Variants in NLGN1 observed in about 807,000 individuals in gnomAD.
NLGN1 encodes the protein neuroligin-1.
NLGN1 carries 12 observed loss-of-function variants against 65.5 expected under a neutral mutation model. The observed-to-expected ratio is 0.18, with a 90% CI of 0.12 to 0.30. The LOEUF (loss-of-function observed/expected upper bound fraction) is 0.30. Among genes scored for constraint, NLGN1 ranks in the 10% least tolerant of loss-of-function variants. The pLI, the probability that NLGN1 is intolerant of heterozygous loss-of-function variation, is 1.00. For synonymous variants in NLGN1, 350 were observed against 359.5 expected, an observed-to-expected ratio of 0.97 and a Z score of 0.30; for missense variants, 750 against 1,007.1, an observed-to-expected ratio of 0.74 and a Z score of 3.46.
Position 173,619,123 on chromosome 3 carries a change from A to C in NLGN1, c.493+14032A>C, listed in dbSNP as rs367853886. ...AATCTTGTTTCCTGGTTTTGCTGGC[A>C]TTTTCCCCATGGTGCACATCAGTAA... is the stretch of plus-strand genomic sequence containing the variant. On this transcript the variant is annotated intron_variant, in intron 3 of 6. Coordinates refer to ENST00000457714, the Ensembl canonical transcript of NLGN1. Among the ~76,000 whole-genome samples, 4 of 152,130 alleles carry C rather than the reference A, an allele frequency of 2.6e-5. No individual in the cohort carries two copies. The South Asian group carries it at 6.2e-4, about 24-fold the overall frequency.
At chr3:174,101,563 A>G (rs966025628) in intron 4 of NLGN1, among the ~76,000 whole-genome samples, 16 of 152,300 alleles carry the variant, frequency 1.1e-4, no homozygotes, top group African/African-American at 3.8e-4. Flanking sequence ...ACAACTTTCA[A>G]TGAATCACAG....
intron 4 of NLGN1, among the ~76,000 whole-genome samples, chr3:174,014,520 C>T (rs1238356995): frequency 6.6e-6 from 1 of 152,162 alleles, no homozygotes; most frequent in East Asian, 1.9e-4. Context: ...CTACATGTGC[C>T]ACATTCTTCT....
At chr3:173,518,937 G>A (rs1168988839) in intron 2 of NLGN1, among the ~76,000 whole-genome samples, 2 of 152,122 alleles carry the variant, frequency 1.3e-5, no homozygotes, top group Non-Finnish European at 2.9e-5. Context: ...CAGGCCCAGA[G>A]AGGTCTAGAA....
intron 4 of NLGN1, among the ~76,000 whole-genome samples, chr3:174,023,836 A>G (rs892664258): frequency 6.6e-6 from 1 of 152,160 alleles, no homozygotes; most frequent in African/African-American, 2.4e-5. Flanking sequence ...CAGGCCCTGC[A>G]GTCAGCAGCT....
chr3:173,941,187 T>C (rs1476350004), intron 4 of NLGN1, among the ~76,000 whole-genome samples: 2 of 152,036 alleles, frequency 1.3e-5, no homozygotes, highest in Non-Finnish European at 2.9e-5. Flanking sequence ...TAGTACAGAA[T>C]CATAATTTGC....
chr3:174,251,291 A>G (rs1406434056), intron 4 of NLGN1, among the ~76,000 whole-genome samples: 1 of 152,204 alleles, frequency 6.6e-6, no homozygotes, highest in East Asian at 1.9e-4. Flanking sequence ...GCCTTCCTTA[A>G]TATTTAGGAA....
At chr3:174,198,476 T>G (rs1733860123) in intron 4 of NLGN1, among the ~76,000 whole-genome samples, 1 of 152,212 alleles carries the variant, frequency 6.6e-6, no homozygotes. Flanking sequence ...GATGGGAGAT[T>G]GCTGAATCAA....
rs1230635335 is a variant in NLGN1 at position 174,280,630 on chromosome 3, C to T, written c.1799C>T (p.Ala600Val). The stretch of plus-strand genomic sequence containing the variant: ...CCAAGAGTTAAAGAACATTACAGAG[C>T]CAATAAGGTGAACCTCTGGTTGGAG... Residue 600 changes from alanine to valine, a missense_variant, in exon 7 of 7, where the codon GCC becomes GTC. Ala to Val is a moderately conservative substitution (Grantham distance 64, BLOSUM62 0). Coordinates refer to ENST00000457714, the Ensembl canonical transcript of NLGN1. This position sits in a 1 kb window ranked among gnomAD's most constrained non-coding sequence, Gnocchi z 4.9. 6.2e-7 allele frequency: 1 copy of T among 1,613,130 alleles called. No homozygotes were observed. The highest frequency in any genetic ancestry group is 8.5e-7 in the Non-Finnish European group (1 of 1,179,534).
At chr3:173,873,123 C>G (rs537135127) in intron 4 of NLGN1, among the ~76,000 whole-genome samples, 2 of 150,764 alleles carry the variant, frequency 1.3e-5, no homozygotes, top group African/African-American at 2.4e-5. Flanking sequence ...GAATCTCACT[C>G]TGCTGCCCAG....
intron 4 of NLGN1, among the ~76,000 whole-genome samples, chr3:174,082,290 T>C (rs1408633419): frequency 6.6e-6 from 1 of 152,190 alleles, no homozygotes; most frequent in Admixed American, 6.5e-5. Context: ...TCACTTTTGA[T>C]ATGCCCATCC....
chr3:173,528,467 A>G (rs1736017698), intron 2 of NLGN1, among the ~76,000 whole-genome samples: 6 of 152,084 alleles, frequency 3.9e-5, no homozygotes, highest in Admixed American at 1.3e-4. Flanking sequence ...AGTTTATTGT[A>G]TCTGAATTTC....
At position 174,049,251 on chromosome 3, in the gene NLGN1, A is replaced by G. The variant is rs570312572; in HGVS notation, c.647-226064A>G. Among the ~76,000 whole-genome samples, 77 of 152,242 alleles carry G rather than the reference A, an allele frequency of 5.1e-4. 1 individual carries two copies. Among genetic ancestry groups the G allele is most frequent in the Middle Eastern group, 3.4e-3 (1 of 294 alleles). ...ACGCAGTAGCTATTGATATTTTCGA[A>G]AAAGTTAAGTTGAGACTCAATAATT... On this transcript the variant is annotated intron_variant, in intron 4 of 6. Transcript: ENST00000457714.
intron 4 of NLGN1, among the ~76,000 whole-genome samples, chr3:174,031,878 G>A (rs2152474092): frequency 6.6e-6 from 1 of 152,038 alleles, no homozygotes; most frequent in Non-Finnish European, 1.5e-5. Context: ...GGCCTACATT[G>A]TGTAATTTTA....
At chr3:173,935,635 C>CTT (rs149129049) in intron 4 of NLGN1, among the ~76,000 whole-genome samples, 38,809 of 150,194 alleles carry the variant, frequency 0.26, 5,144 homozygotes, top group East Asian at 0.34. Context: ...CTCTCTCTCT[C>CTT]TCTCTCTCTC....
the NLGN1 span, among the ~76,000 whole-genome samples, chr3:174,293,773 G>A: frequency 6.6e-6 from 1 of 151,562 alleles, no homozygotes; most frequent in Non-Finnish European, 1.5e-5. Flanking sequence ...GTTGTAGAAA[G>A]AATATCTATA....
chr3:174,200,616 ATT>A (rs1441099246), intron 4 of NLGN1, among the ~76,000 whole-genome samples: 2 of 152,210 alleles, frequency 1.3e-5, no homozygotes, highest in Admixed American at 6.5e-5. Flanking sequence ...AATAGGATAG[ATT>A]TCATAGAAAG....
intron 2 of NLGN1, among the ~76,000 whole-genome samples, chr3:173,538,809 T>A (rs1254552238): frequency 6.6e-6 from 1 of 151,948 alleles, no homozygotes; most frequent in Non-Finnish European, 1.5e-5. Flanking sequence ...TCAGTAATTA[T>A]TAAAATATTC....
At chr3:173,964,583 C>T (rs908808918) in intron 4 of NLGN1, among the ~76,000 whole-genome samples, 1 of 152,116 alleles carries the variant, frequency 6.6e-6, no homozygotes, top group Non-Finnish European at 1.5e-5. Context: ...ATTGAATTCA[C>T]CTTTTATTGA....
intron 2 of NLGN1, among the ~76,000 whole-genome samples, chr3:173,534,729 G>C (rs1167798687): frequency 6.6e-6 from 1 of 152,072 alleles, no homozygotes; most frequent in African/African-American, 2.4e-5. Context: ...ATTACCCAAG[G>C]CCACACCAAT....
Sources: allele counts gnomAD v4.1 joint callset (sites outside exome capture counted in the v4.1 genomes callset), GRCh38; gene constraint gnomAD v4.1.1; non-coding constraint Gnocchi (gnomAD v3.1); transcripts MANE v1.5; gene names NCBI Gene and HGNC (gene_info 2026-07-23, HGNC 2026-07-21).